Variants in LSS observed in about 807,000 individuals in gnomAD.
LSS encodes the protein 2,3-epoxysqualene-lanosterol cyclase.
In LSS, 90 loss-of-function variants were observed where a neutral mutation model predicts 110.3. That is an observed-to-expected ratio of 0.82 (90% CI 0.69 to 0.97). The LOEUF is 0.97. Ranked by LOEUF, LSS falls within the 50% of genes least tolerant of loss-of-function variation. LSS has a pLI of 0.00. For missense variants in LSS, 927 were observed against 990.0 expected, an observed-to-expected ratio of 0.94 and a Z score of 0.85; for synonymous variants, 433 against 400.0, an observed-to-expected ratio of 1.08 and a Z score of -0.98.
Position 46,215,177 on chromosome 21 carries a change from G to A in LSS, c.1011+3C>T. On this transcript the variant is annotated splice_donor_region_variant and intron_variant, in intron 9 of 21. Transcript: ENST00000397728. ...CAGTCAGAGGCCGGGCAGGGGCACT[G>A]ACCGGGCCGATGCTGATGCTCTTGG... The A allele has an allele frequency of 6.2e-7, 1 of 1,607,978 alleles. No homozygotes were observed. Among genetic ancestry groups the A allele is most frequent in the African/African-American group, 1.3e-5 (1 of 74,938 alleles).
At position 46,209,608 on chromosome 21, in the gene LSS, C is replaced by A. The variant is rs769268938; in HGVS notation, c.1212G>T (p.Arg404Ser). The stretch of plus-strand genomic sequence containing the variant: ...TCTGCAGGCAGGACGAAAACTCGGG[C>A]CTGTGGTGCCCGCCCGCCTGGAAGA... ...QALLEAGGHH[R>S]PEFSSCLQKA... Residue 404 changes from arginine to serine, a missense_variant, in exon 13 of 22, where the codon AGG (arginine) becomes AGT (serine). By Grantham distance (110) the Arg-to-Ser change is moderately radical. Transcript: ENST00000397728. The surrounding 1 kb of genome is among the most constrained non-coding windows in gnomAD (Gnocchi z 4.4). 3 of 1,594,252 alleles carry A rather than the reference C, an allele frequency of 1.9e-6. No individual in the cohort carries two copies. Among genetic ancestry groups the A allele is most frequent in the Non-Finnish European group, 1.7e-6 (2 of 1,171,812 alleles).
chr21:46,219,370 C>T (rs1285504441), intron 6 of LSS, 106 bp downstream of exon 6: 3 of 688,300 alleles, frequency 4.4e-6, no homozygotes, highest in East Asian at 3.3e-5. Context: ...CCACAGAATG[C>T]CCACCCCTCT....
chr21:46,221,084 G>A (rs1340728434), intron 5 of LSS, among the ~76,000 whole-genome samples: 1 of 134,624 alleles, frequency 7.4e-6, no homozygotes, highest in East Asian at 2.2e-4. Context: ...GTTGGGGCTT[G>A]GAGAGGTAAG....
In LSS at chr21:46,207,492, T is replaced by C; in HGVS notation, c.1403A>G (p.Gln468Arg). Residue 468 changes from glutamine to arginine, a missense_variant, in exon 15 of 22, where the codon CAG (glutamine) becomes CGG (arginine). Physicochemically the swap from Gln to Arg is conservative, Grantham distance 43. Coordinates refer to ENST00000397728, the MANE Select transcript of LSS (RefSeq NM_002340.6). The part of the protein sequence containing the change: ...AEALKAVLLL[Q>R]EKCPHVTEHI... The stretch of plus-strand genomic sequence containing the variant: ...CTCGGTGACATGGGGACACTTCTCC[T>C]GCAGGAGCAGCACAGCCTTCAAGGC... The C allele has an allele frequency of 6.2e-7, 1 of 1,612,468 alleles. No homozygotes were observed. The highest frequency in any genetic ancestry group is 8.5e-7 in the Non-Finnish European group (1 of 1,179,534).
At chr21:46,211,925 G>A (rs1051871171) in intron 11 of LSS, among the ~76,000 whole-genome samples, 3 of 152,172 alleles carry the variant, frequency 2.0e-5, no homozygotes, top group African/African-American at 7.2e-5. Flanking sequence ...CAGCCACAAC[G>A]TGAGGACTAC....
In LSS at chr21:46,215,309, CAG is replaced by C. The variant is rs769478318; in HGVS notation, c.893-13_893-12del. Reference sequence around the variant, plus strand: ...ACAGGTTGAGGAGCGCTACAGGGGACAGGGGTCAGTGGATGCCAGACACCATG... The same window carrying C: ...ACAGGTTGAGGAGCGCTACAGGGGACGGGTCAGTGGATGCCAGACACCATG... On this transcript the variant is annotated splice_polypyrimidine_tract_variant and intron_variant, in intron 8 of 21. Transcript: ENST00000397728. 13 of 1,579,204 alleles carry C rather than the reference CAG, an allele frequency of 8.2e-6. No individual in the cohort carries two copies. Among genetic ancestry groups the C allele is most frequent in the African/African-American group, 2.7e-5 (2 of 74,372 alleles).
At chr21:46,207,676 C>T in intron 14 of LSS, 99 bp from the exon 15 acceptor site, 2 of 1,389,250 alleles carry the variant, frequency 1.4e-6, no homozygotes, top group Non-Finnish European at 1.9e-6. Flanking sequence ...CACAGAGCAC[C>T]CGGTCAGGGC....
intron 17 of LSS, among the ~76,000 whole-genome samples, chr21:46,197,672 G>C (rs944617024): frequency 6.6e-6 from 1 of 152,190 alleles, no homozygotes; most frequent in Non-Finnish European, 1.5e-5. Context: ...GGCAGATCAC[G>C]AGGTCAGGAG....
At chr21:46,222,058 C>T in intron 4 of LSS, 83 bp from the exon 5 acceptor site, 1 of 1,533,136 alleles carries the variant, frequency 6.5e-7, no homozygotes, top group Non-Finnish European at 8.9e-7. Flanking sequence ...GGAGTTTCCT[C>T]AGAAAACTAA....
chr21:46,191,399 A>G (rs2079813493), intron 21 of LSS, among the ~76,000 whole-genome samples, 164 bp from the exon 22 acceptor site: 1 of 152,182 alleles, frequency 6.6e-6, no homozygotes, highest in African/African-American at 2.4e-5. Context: ...ATCCCGCATC[A>G]GTCATGGCAC....
At chr21:46,191,993 T>C (rs1296981984) in intron 20 of LSS, 34 bp from the exon 21 acceptor site, 2 of 1,479,002 alleles carry the variant, frequency 1.4e-6, no homozygotes, top group Non-Finnish European at 9.4e-7. Flanking sequence ...ACACCCAGCA[T>C]GCATGCCCCC....
intron 17 of LSS, among the ~76,000 whole-genome samples, chr21:46,203,944 A>G (rs1040553640): frequency 2.6e-5 from 4 of 152,258 alleles, no homozygotes; most frequent in African/African-American, 9.6e-5. Context: ...TCATATTTCA[A>G]TAAAAGCCTG....
intron 20 of LSS, chr21:46,192,417 C>A: frequency 2.3e-6 from 1 of 434,660 alleles, no homozygotes; most frequent in South Asian, 1.7e-5. Flanking sequence ...GCTGCTCCTG[C>A]TCAAGCAGAC....
At position 46,228,604 on chromosome 21, in the gene LSS, G is replaced by C. The variant is rs755959872; in HGVS notation, c.15-5C>G. 12 of 1,592,148 alleles carry C rather than the reference G, an allele frequency of 7.5e-6. No individual in the cohort carries two copies. The African/African-American group carries it at 1.3e-4, about 18-fold the overall frequency. On this transcript the variant is annotated splice_polypyrimidine_tract_variant and splice_region_variant and intron_variant, in intron 1 of 21. Coordinates refer to ENST00000397728, the MANE Select transcript of LSS (RefSeq NM_002340.6). The stretch of plus-strand genomic sequence containing the variant: ...CCCCCTCGGCGCCGCAGACACCTGA[G>C]GACCACCGGCCATCAGCGACCCAGG...
At chr21:46,204,209 C>T (rs1220710158) in intron 17 of LSS, among the ~76,000 whole-genome samples, 3 of 152,050 alleles carry the variant, frequency 2.0e-5, no homozygotes, top group Non-Finnish European at 2.9e-5. Flanking sequence ...GCAGGAGAAT[C>T]GCTTGAACCC....
Position 46,209,454 on chromosome 21 carries a change from A to G in LSS, c.1266+100T>C, listed in dbSNP as rs2080098191. 3.7e-6 allele frequency: 4 copies of G among 1,091,084 alleles called. No homozygotes were observed. Among genetic ancestry groups the G allele is most frequent in the Non-Finnish European group, 5.3e-6 (4 of 759,064 alleles). The allele number at this position is 1,091,084 out of a possible 1,614,324, so 67.6% of individuals were successfully genotyped here. On this transcript the variant is annotated intron_variant, in intron 13 of 21. Transcript: ENST00000397728. This position sits in a 1 kb window ranked among gnomAD's most constrained non-coding sequence, Gnocchi z 4.4. ...GTGACCTGAAACACCAGTGCAGGAA[A>G]TAGGGCAGGGTGGAGGTGAGGTGGG...
intron 17 of LSS, among the ~76,000 whole-genome samples, chr21:46,198,698 G>C (rs1469998899): frequency 2.0e-5 from 3 of 152,078 alleles, no homozygotes; most frequent in Non-Finnish European, 4.4e-5. Flanking sequence ...TCAATGCAAT[G>C]GAACAGAGAG....
chr21:46,191,332 G>T, intron 21 of LSS, 97 bp from the exon 22 acceptor site: 1 of 1,395,314 alleles, frequency 7.2e-7, no homozygotes, highest in Non-Finnish European at 1.0e-6. Flanking sequence ...GCTGGCTTGT[G>T]GGTGAGTCAG....
chr21:46,194,395 C>T, intron 20 of LSS, 96 bp downstream of exon 20: 1 of 1,447,870 alleles, frequency 6.9e-7, no homozygotes, highest in East Asian at 2.4e-5. Flanking sequence ...GGCCTCCCCT[C>T]CTCTCTACAT....
Sources: allele counts gnomAD v4.1 joint callset (sites outside exome capture counted in the v4.1 genomes callset), GRCh38; gene constraint gnomAD v4.1.1; non-coding constraint Gnocchi (gnomAD v3.1); transcripts MANE v1.5; gene names NCBI Gene and HGNC (gene_info 2026-07-23, HGNC 2026-07-21).